The following ULK1 variants were observed in gnomAD, a reference collection of about 807,000 sequenced individuals.
ULK1 encodes the protein unc-51 like autophagy activating kinase 1.
Under a neutral mutation model 117.5 loss-of-function variants are expected in ULK1, and 48 were observed. That is an observed-to-expected ratio of 0.41 (90% CI 0.32 to 0.52). The LOEUF is 0.52. ULK1 is among the 20% of genes least tolerant of loss of function. The probability of loss-of-function intolerance (pLI) is 0.29; values close to 1 mark genes in which losing one functional copy is unlikely to be tolerated. For missense variants in ULK1, 1,387 were observed against 1,473.4 expected, an observed-to-expected ratio of 0.94 and a Z score of 0.96; for synonymous variants, 790 against 637.8, an observed-to-expected ratio of 1.24 and a Z score of -3.60.
chr12:131,917,507 C>T lies in ULK1; in HGVS notation c.2279C>T (p.Pro760Leu), dbSNP rs760194704. ...SPVVFTVGSPPSGSTPPQGPR... is the reference protein window; with the variant it reads ...SPVVFTVGSPLSGSTPPQGPR... ...GTGGTCTTCACCGTGGGCTCTCCCC[C>T]GAGCGGGAGCACGCCCCCCCAGGGC... Residue 760 changes from proline (P) to leucine (L), a missense_variant, in exon 22 of 28, where the codon CCG (proline) becomes CTG (leucine). Physicochemically the swap from Pro to Leu is moderately conservative, Grantham distance 98 (BLOSUM62 -3). Around this residue, in one of 4 missense-constraint regions of ULK1, gnomAD observed 900 missense variants for 858.9 expected, o/e 1.05. Transcript: ENST00000321867. 8.2e-6 allele frequency: 12 copies of T among 1,471,294 alleles called. No individual in the cohort carries two copies. The highest frequency in any genetic ancestry group is 5.6e-5 in the South Asian group (4 of 70,970). The allele number at this position is 1,471,294 out of a possible 1,614,324, so 91.1% of individuals were successfully genotyped here.
chr12:131,918,985 C>CGGGTGTGTGGGGTGCA (rs1566129346), intron 23 of ULK1, among the ~76,000 whole-genome samples: 3 of 25,018 alleles, frequency 1.2e-4, no homozygotes, highest in Non-Finnish European at 2.7e-4. Flanking sequence ...TGTGGGGTGT[C>CGGGTGTGTGGGGTGCA]GGGTGTGTGG....
At chr12:131,906,869 A>T in intron 3 of ULK1, 23 bp from the exon 4 acceptor site, 1 of 1,613,966 alleles carries the variant, frequency 6.2e-7, no homozygotes, top group South Asian at 1.1e-5. Flanking sequence ...GGGACCTCTC[A>T]CAGCCTCTTT....
At chr12:131,897,087 C>G (rs1407316463) in intron 3 of ULK1, 1 of 152,266 alleles carries the variant, frequency 6.6e-6, no homozygotes, top group African/African-American at 2.4e-5. Flanking sequence ...CTGCCACTTC[C>G]TCCAGTGTTG....
intron 3 of ULK1, 51 bp from the exon 4 acceptor site, chr12:131,906,841 G>T: frequency 6.2e-7 from 1 of 1,613,048 alleles, no homozygotes; most frequent in Non-Finnish European, 8.5e-7. Context: ...ACTCCCTGCA[G>T]TGGGGCCCGG....
chr12:131,922,461 TTTGATGTC>T lies in ULK1; in HGVS notation c.*1101_*1108del. On this transcript the variant is annotated 3_prime_UTR_variant, in exon 28 of 28. Coordinates refer to ENST00000321867, the MANE Select transcript of ULK1 (RefSeq NM_003565.4). ...TCCCCGTCCAGCTTTGACAGTCAGT[TTTGATGTC>T]AGCTCCTCGGCAGGGTAGGCCTGAT... is the stretch of plus-strand genomic sequence containing the variant. 5.0e-5 allele frequency: 9 copies of T among 181,484 alleles called. No homozygotes were observed. The highest frequency in any genetic ancestry group is 3.0e-4 in the South Asian group (3 of 10,164). 11.2% of individuals were successfully genotyped at this position (181,484 alleles called of 1,614,324 possible). A position where few individuals can be genotyped will look rare whatever the true frequency, so the allele number is the denominator to read the frequency against.
At chr12:131,909,738 C>T (rs1593266311) in intron 8 of ULK1, 37 bp from the exon 9 acceptor site, 10 of 1,558,088 alleles carry the variant, frequency 6.4e-6, no homozygotes, top group Non-Finnish European at 6.9e-6. Context: ...CCCGCTCGGC[C>T]GCAGCCCTGG....
intron 3 of ULK1, among the ~76,000 whole-genome samples, chr12:131,905,108 G>A (rs775758725): frequency 1.3e-5 from 2 of 152,154 alleles, no homozygotes; most frequent in Non-Finnish European, 2.9e-5. Flanking sequence ...GCTGTGCCTG[G>A]GTTTCTGGGT....
rs568583349 is a variant in ULK1, at chr12:131,916,386, C to G, written c.1879-12C>G. Reference sequence around the variant, plus strand: ...CTGCGGGGCAGTCTTCACCCCATCTCTGTCCTCCTAGGCTGTGCCCTCCTT... The same window carrying G: ...CTGCGGGGCAGTCTTCACCCCATCTGTGTCCTCCTAGGCTGTGCCCTCCTT... On this transcript the variant is annotated splice_polypyrimidine_tract_variant and intron_variant, in intron 19 of 27. Transcript: ENST00000321867. The G allele has an allele frequency of 1.3e-5, 20 of 1,555,354 alleles. No homozygotes were observed. In the African/African-American group the frequency reaches 2.2e-4, roughly 17 times the overall value.
At chr12:131,905,961 G>T (rs1230943554) in intron 3 of ULK1, among the ~76,000 whole-genome samples, 1 of 152,226 alleles carries the variant, frequency 6.6e-6, no homozygotes, top group African/African-American at 2.4e-5. Flanking sequence ...AGCAGCGGAG[G>T]GGGTGGCTGA....
intron 3 of ULK1, 84 bp from the exon 4 acceptor site, chr12:131,906,808 A>T: frequency 2.5e-6 from 4 of 1,583,068 alleles, no homozygotes; most frequent in Non-Finnish European, 3.5e-6. Flanking sequence ...GGGCCTGCCC[A>T]GGCCGAATTG....
At chr12:131,908,107 T>A (rs1324222115) in intron 5 of ULK1, among the ~76,000 whole-genome samples, 1 of 152,028 alleles carries the variant, frequency 6.6e-6, no homozygotes, top group African/African-American at 2.4e-5. Flanking sequence ...CCGGCAGGAC[T>A]GCTCAAACGC....
At chr12:131,895,300 C>T (rs1250904242) in intron 1 of ULK1, among the ~76,000 whole-genome samples, 188 bp downstream of exon 1, 26 of 150,944 alleles carry the variant, frequency 1.7e-4, no homozygotes, top group Admixed American at 1.7e-3. Context: ...GTTCAGACTC[C>T]CGCCCCGAGA....
chr12:131,909,943 G>A lies in ULK1; in HGVS notation c.750G>A (p.Pro250=), dbSNP rs761847191. ...VPTIPRETSA[P]LRQLLLALLQ... ...GCATCCCCCGGGAGACCTCGGCCCC[G>A]CTGCGGCAGCTGCTCCTGGCCCTAC... The change falls in exon 10 of 28, where the codon CCG becomes CCA. Residue 250 remains proline (P), a synonymous_variant. Coordinates refer to ENST00000321867, the MANE Select transcript of ULK1 (RefSeq NM_003565.4). 5.6e-6 allele frequency: 9 copies of A among 1,611,708 alleles called. No individual in the cohort carries two copies. The highest frequency in any genetic ancestry group is 3.3e-5 in the Admixed American group (2 of 59,972).
At chr12:131,900,114 C>CAAA (rs55658532) in intron 3 of ULK1, among the ~76,000 whole-genome samples, 1 of 70,124 alleles carries the variant, frequency 1.4e-5, no homozygotes, top group Non-Finnish European at 2.8e-5. Flanking sequence ...GAAACTCTCT[C>CAAA]AAAAAAAAAA....
chr12:131,914,571 C>G, intron 16 of ULK1, 94 bp downstream of exon 16: 1 of 1,489,860 alleles, frequency 6.7e-7, no homozygotes, highest in African/African-American at 1.4e-5. Flanking sequence ...GGTCGTCATC[C>G]ATGTGCAGTT....
Position 131,917,604 on chromosome 12 carries a change from G to A in ULK1, c.2326+50G>A, listed in dbSNP as rs749896347. ...CTGTCCCTTTTGGGGTGGTGGCAGC[G>A]CCCTAGCGGACGGGGGCATCCTTTA... On this transcript the variant is annotated intron_variant, in intron 22 of 27. Coordinates refer to ENST00000321867, the MANE Select transcript of ULK1 (RefSeq NM_003565.4). The A allele has an allele frequency of 1.8e-4, 245 of 1,332,010 alleles. 1 individual carries two copies. Among genetic ancestry groups the A allele is most frequent in the Middle Eastern group, 8.8e-4 (4 of 4,536 alleles). The allele number at this position is 1,332,010 out of a possible 1,614,324, so 82.5% of individuals were successfully genotyped here. A position where few individuals can be genotyped will look rare whatever the true frequency, so the allele number is the denominator to read the frequency against.
At chr12:131,900,220 C>G (rs1316952130) in intron 3 of ULK1, among the ~76,000 whole-genome samples, 1 of 150,506 alleles carries the variant, frequency 6.6e-6, no homozygotes, top group Non-Finnish European at 1.5e-5. Flanking sequence ...TGTCAATGTT[C>G]TTGAAAGGTA....
intron 1 of ULK1, 71 bp downstream of exon 1, chr12:131,895,183 C>G: frequency 8.6e-7 from 1 of 1,163,310 alleles, no homozygotes; most frequent in Non-Finnish European, 1.1e-6. Context: ...CCCGAGATTC[C>G]CCGCCTGTCC....
chr12:131,919,652 C>T lies in ULK1; in HGVS notation c.2803+62C>T, dbSNP rs1023930189. On this transcript the variant is annotated intron_variant, in intron 25 of 27. Coordinates refer to ENST00000321867, the MANE Select transcript of ULK1 (RefSeq NM_003565.4). ...GGGGAGGAAGCCCACCTTGCAACTG[C>T]CTGGGTGACAGGGTAACAGGGAGGC... is the stretch of plus-strand genomic sequence containing the variant. 27 of 1,565,786 alleles carry T rather than the reference C, an allele frequency of 1.7e-5. No homozygotes were observed. The African/African-American group carries it at 3.2e-4, about 19-fold the overall frequency.
Sources: allele counts gnomAD v4.1 joint callset (sites outside exome capture counted in the v4.1 genomes callset), GRCh38; gene constraint gnomAD v4.1.1; regional missense constraint gnomAD v4.1.1; transcripts MANE v1.5; gene names NCBI Gene and HGNC (gene_info 2026-07-23, HGNC 2026-07-21).